PLXNA4: variants seen among roughly 807,000 people sequenced by gnomAD.
PLXNA4 encodes the protein plexin A4.
Under a neutral mutation model 191.8 loss-of-function variants are expected in PLXNA4, and 44 were observed. The observed-to-expected ratio is 0.23, with a 90% CI of 0.18 to 0.29. The LOEUF is 0.29. Among genes scored for constraint, PLXNA4 ranks in the 10% least tolerant of loss-of-function variants. PLXNA4 has a pLI of 1.00. For synonymous variants in PLXNA4, 1,082 were observed against 1,009.5 expected, an observed-to-expected ratio of 1.07 and a Z score of -1.36; for missense variants, 1,800 against 2,488.8, an observed-to-expected ratio of 0.72 and a Z score of 5.89.
Position 132,599,974 on chromosome 7 carries a change from G to A in PLXNA4, c.-87+45954C>T, listed in dbSNP as rs12534648. 5.7e-3 allele frequency among the ~76,000 whole-genome samples: 867 copies of A among 152,250 alleles called. 7 individuals are homozygous for A. Among genetic ancestry groups the A allele is most frequent in the Middle Eastern group, 0.041 (12 of 294 alleles). On this transcript the variant is annotated intron_variant, in intron 2 of 4. Coordinates refer to the PLXNA4 transcript ENST00000378539. ...GCCTTTTGGCCTATTAATACGATAA[G>A]TTATGTTAATAGATTTTTCTTTTGT...
At chr7:132,240,107 C>T (rs1798827095) in intron 5 of PLXNA4, among the ~76,000 whole-genome samples, 2 of 152,204 alleles carry the variant, frequency 1.3e-5, no homozygotes, top group South Asian at 4.1e-4. Flanking sequence ...ACATGTAGTT[C>T]AGGTTCTTAG....
intron 3 of PLXNA4, among the ~76,000 whole-genome samples, chr7:132,485,867 G>C (rs1353904803): frequency 6.6e-6 from 1 of 152,130 alleles, no homozygotes; most frequent in African/African-American, 2.4e-5. Context: ...CATGTGACGT[G>C]TGCACTAAAG....
chr7:132,638,735 T>A (rs1327462866), intron 2 of PLXNA4, among the ~76,000 whole-genome samples: 1 of 152,092 alleles, frequency 6.6e-6, no homozygotes, highest in Non-Finnish European at 1.5e-5. Flanking sequence ...CTTTTACCCT[T>A]TTTACCCTGA....
intron 3 of PLXNA4, among the ~76,000 whole-genome samples, chr7:132,359,208 G>GC (rs71529759): frequency 1.5e-5 from 2 of 129,316 alleles, no homozygotes; most frequent in African/African-American, 6.0e-5. Flanking sequence ...AGTCAAGGCT[G>GC]CTTTTTTTTT....
chr7:132,205,922 A>G (rs1797601024), intron 10 of PLXNA4, among the ~76,000 whole-genome samples: 1 of 152,242 alleles, frequency 6.6e-6, no homozygotes, highest in Non-Finnish European at 1.5e-5. Flanking sequence ...CACAGAAAGG[A>G]AGGCAAAGAA....
In PLXNA4 at chr7:132,165,248, G is replaced by T. The variant is rs369460025; in HGVS notation, c.4287-48C>A. 3.1e-6 allele frequency: 5 copies of T among 1,594,310 alleles called. No individual in the cohort carries two copies. In the African/African-American group the frequency reaches 6.7e-5, roughly 21 times the overall value. ...CCAACGGAACAAGACAAAGAAAGAA[G>T]CAGCTGGTCAGAGCCCGTGGGCTGG... On this transcript the variant is annotated intron_variant, in intron 22 of 31. Transcript: ENST00000321063.
chr7:132,153,662 T>G (rs1795709349), intron 25 of PLXNA4, among the ~76,000 whole-genome samples: 1 of 152,110 alleles, frequency 6.6e-6, no homozygotes, highest in South Asian at 2.1e-4. Context: ...CAGGCCAACC[T>G]GGAAGGAGAT....
chr7:132,308,322 C>T (rs1019117325), intron 3 of PLXNA4, among the ~76,000 whole-genome samples: 1 of 152,196 alleles, frequency 6.6e-6, no homozygotes, highest in Non-Finnish European at 1.5e-5. Context: ...CCCAGAGCCA[C>T]AACTTCTTTG....
At chr7:132,230,680 A>T (rs1798496112) in intron 5 of PLXNA4, among the ~76,000 whole-genome samples, 1 of 152,186 alleles carries the variant, frequency 6.6e-6, no homozygotes, top group African/African-American at 2.4e-5. Flanking sequence ...ACTTTTCCAG[A>T]GTGTCTGCAC....
upstream of PLXNA4, among the ~76,000 whole-genome samples, chr7:132,579,060 CA>C (rs930847284): frequency 2.6e-5 from 4 of 152,140 alleles, no homozygotes; most frequent in Non-Finnish European, 5.9e-5. Flanking sequence ...ACTGAGGATA[CA>C]AAATCCAAGG....
intron 3 of PLXNA4, among the ~76,000 whole-genome samples, chr7:132,454,349 C>G (rs76197130): frequency 0.016 from 2,483 of 152,234 alleles, 63 homozygotes; most frequent in African/African-American, 0.057. Flanking sequence ...CAACAAGAAG[C>G]CTCTCCATTT....
chr7:132,203,136 G>A lies in PLXNA4; in HGVS notation c.2395+187C>T, dbSNP rs1037832097. 4.6e-5 allele frequency among the ~76,000 whole-genome samples: 7 copies of A among 152,250 alleles called. No homozygotes were observed. In the East Asian group the frequency reaches 1.4e-3, roughly 29 times the overall value. ...CTCAGCCCAGGTCAAGCTCTACAGA[G>A]CCCATGCTCAAGAAGTAACCTAGAA... On this transcript the variant is annotated intron_variant, in intron 11 of 31. Transcript: ENST00000321063.
At chr7:132,385,681 T>G (rs1471968413) in intron 3 of PLXNA4, among the ~76,000 whole-genome samples, 1 of 152,312 alleles carries the variant, frequency 6.6e-6, no homozygotes, top group East Asian at 1.9e-4. Context: ...CAAGTATCAC[T>G]TTTTATCCAA....
intron 3 of PLXNA4, among the ~76,000 whole-genome samples, chr7:132,308,376 C>T (rs573746162): frequency 6.6e-6 from 1 of 152,278 alleles, no homozygotes; most frequent in East Asian, 1.9e-4. Context: ...TTCCCATGTG[C>T]CTCTGGTTAG....
chr7:132,248,974 G>A (rs78768423), intron 4 of PLXNA4, among the ~76,000 whole-genome samples: 2,054 of 152,300 alleles, frequency 0.013, 31 homozygotes, highest in African/African-American at 0.04. Context: ...CTCACTTGAC[G>A]GCAGACAGAG....
intron 3 of PLXNA4, among the ~76,000 whole-genome samples, chr7:132,304,740 G>A (rs192312456): frequency 3.1e-3 from 218 of 70,108 alleles, no homozygotes; most frequent in African/African-American, 0.021. Context: ...ACTATCCCCC[G>A]GAGGCATGCT....
intron 3 of PLXNA4, among the ~76,000 whole-genome samples, chr7:132,419,367 C>T (rs1794771783): frequency 6.6e-6 from 1 of 152,178 alleles, no homozygotes; most frequent in Non-Finnish European, 1.5e-5. Context: ...CAGCCTGCAT[C>T]CAAATTTCAT....
chr7:132,191,997 C>T (rs1797106482), intron 14 of PLXNA4, among the ~76,000 whole-genome samples: 1 of 152,046 alleles, frequency 6.6e-6, no homozygotes, highest in Non-Finnish European at 1.5e-5. Context: ...AATGACTCGT[C>T]CATGAACCCC....
intron 3 of PLXNA4, among the ~76,000 whole-genome samples, chr7:132,459,049 GTATAAA>G (rs1467374966): frequency 1.3e-5 from 2 of 152,214 alleles, no homozygotes; most frequent in Non-Finnish European, 2.9e-5. Flanking sequence ...AGCTTAGGAA[GTATAAA>G]TACACACATC....
Sources: allele counts gnomAD v4.1 joint callset (sites outside exome capture counted in the v4.1 genomes callset), GRCh38; gene constraint gnomAD v4.1.1; transcripts MANE v1.5; gene names NCBI Gene and HGNC (gene_info 2026-07-23, HGNC 2026-07-21).